Variants in PARD3B observed in about 807,000 individuals in gnomAD.
The protein encoded by PARD3B is partitioning defective 3 homolog B.
A neutral mutation model predicts 130.2 loss-of-function variants in PARD3B; 103 were observed. The ratio of observed to expected loss-of-function variants is 0.79; its 90% CI spans 0.67 to 0.93. PARD3B has a LOEUF of 0.93. Among genes scored for constraint, PARD3B ranks in the 40% least tolerant of loss-of-function variants. PARD3B has a pLI of 0.00. For missense variants in PARD3B, 1,609 were observed against 1,499.2 expected (o/e 1.07, Z -1.21); for synonymous variants, 583 against 553.2 (o/e 1.05, Z -0.76).
Position 205,440,286 on chromosome 2 carries a change from G to C in PARD3B, c.2742-84G>C. On this transcript the variant is annotated intron_variant, in intron 19 of 22. Coordinates refer to ENST00000406610, the MANE Select transcript of PARD3B (RefSeq NM_001302769.2). The surrounding 1 kb of genome is among the most constrained non-coding windows in gnomAD (Gnocchi z 4.2). Reference sequence around the variant, plus strand: ...AATGACAGCTAAGAGACGAGGAAGAGTTAACATAAATTCAAGAGAGTATTT... The same window carrying C: ...AATGACAGCTAAGAGACGAGGAAGACTTAACATAAATTCAAGAGAGTATTT... 1 of 1,361,758 alleles carries C rather than the reference G, an allele frequency of 7.3e-7. No homozygotes were observed. Among genetic ancestry groups the C allele is most frequent in the Non-Finnish European group, 1.0e-6 (1 of 981,710 alleles). The allele number at this position is 1,361,758 out of a possible 1,614,324, so 84.4% of individuals were successfully genotyped here.
intron 16 of PARD3B, among the ~76,000 whole-genome samples, chr2:205,277,477 G>A (rs369304691): frequency 6.6e-6 from 1 of 152,138 alleles, no homozygotes; most frequent in East Asian, 1.9e-4. Flanking sequence ...ATAATACATT[G>A]TGGTAATAGA....
chr2:205,380,052 AAT>A (rs2045254535), intron 18 of PARD3B, among the ~76,000 whole-genome samples: 1 of 142,804 alleles, frequency 7.0e-6, no homozygotes, highest in Admixed American at 7.6e-5. Flanking sequence ...TGGGCGACAG[AAT>A]GAGACTCTGC....
At chr2:205,491,958 A>T (rs1421956862) in intron 20 of PARD3B, among the ~76,000 whole-genome samples, 2 of 152,110 alleles carry the variant, frequency 1.3e-5, no homozygotes, top group African/African-American at 4.8e-5. Context: ...CTGATGTATT[A>T]TTGTGATTTT....
intron 2 of PARD3B, among the ~76,000 whole-genome samples, chr2:204,886,654 G>A (rs556985096): frequency 3.3e-5 from 5 of 152,288 alleles, no homozygotes; most frequent in African/African-American, 1.2e-4. Context: ...AAATATTTGA[G>A]ATCGATGTCT....
chr2:205,082,750 A>G (rs1168647459), intron 4 of PARD3B, among the ~76,000 whole-genome samples: 3 of 152,154 alleles, frequency 2.0e-5, no homozygotes, highest in Admixed American at 2.0e-4. Context: ...TTTCAAGTGG[A>G]AGCTTAGATA....
chr2:204,851,579 T>C (rs2044708516), intron 2 of PARD3B, among the ~76,000 whole-genome samples: 2 of 152,196 alleles, frequency 1.3e-5, no homozygotes. Context: ...CCAACTGTAT[T>C]TGAGTTTTCC....
chr2:204,888,539 C>A (rs1399339932), intron 2 of PARD3B, among the ~76,000 whole-genome samples: 1 of 152,062 alleles, frequency 6.6e-6, no homozygotes, highest in Non-Finnish European at 1.5e-5. Context: ...TGAGACCAGT[C>A]TTGGCAACAT....
At chr2:204,949,571 C>T (rs1429221620) in intron 2 of PARD3B, among the ~76,000 whole-genome samples, 1 of 152,192 alleles carries the variant, frequency 6.6e-6, no homozygotes, top group East Asian at 1.9e-4. Context: ...GCCCTCCCAC[C>T]TCAGCCTCCT....
At chr2:205,486,604 G>A (rs1410038820) in intron 20 of PARD3B, among the ~76,000 whole-genome samples, 3 of 152,170 alleles carry the variant, frequency 2.0e-5, no homozygotes, top group East Asian at 1.9e-4. Flanking sequence ...AAGGCAAAGG[G>A]GAAGCAGGCA....
intron 18 of PARD3B, among the ~76,000 whole-genome samples, chr2:205,319,326 A>G (rs1252722849): frequency 2.0e-5 from 3 of 152,172 alleles, no homozygotes; most frequent in African/African-American, 4.8e-5. Flanking sequence ...TCTGAAGTCC[A>G]TGTTCTTAGA....
At chr2:205,416,351 G>C (rs1234356093) in intron 19 of PARD3B, among the ~76,000 whole-genome samples, 1 of 152,098 alleles carries the variant, frequency 6.6e-6, no homozygotes, top group Non-Finnish European at 1.5e-5. Context: ...TAATGAATTG[G>C]AAAAGTATTA....
At position 205,273,047 on chromosome 2, in the gene PARD3B, C is replaced by A. The variant is rs2040793473; in HGVS notation, c.2185+27225C>A. ...TTTCCCCTAAATTTAACTTAAAATA[C>A]CTGAAGTAATTGGAAATAAAGTAGT... On this transcript the variant is annotated intron_variant, in intron 16 of 22. Transcript: ENST00000406610. Among the ~76,000 whole-genome samples, 5 of 152,178 alleles carry A rather than the reference C, an allele frequency of 3.3e-5. No individual in the cohort carries two copies. The South Asian group carries it at 8.3e-4, about 25-fold the overall frequency.
intron 3 of PARD3B, among the ~76,000 whole-genome samples, chr2:204,998,673 T>C (rs1694559454): frequency 6.6e-6 from 1 of 151,774 alleles, no homozygotes; most frequent in Non-Finnish European, 1.5e-5. Context: ...CCATATCCAC[T>C]GAGGTGGTTA....
At position 205,589,750 on chromosome 2, in the gene PARD3B, G is replaced by A. The variant is rs973743978; in HGVS notation, c.3261-25706G>A. On this transcript the variant is annotated intron_variant, in intron 22 of 22. Coordinates refer to ENST00000406610, the MANE Select transcript of PARD3B (RefSeq NM_001302769.2). The surrounding 1 kb of genome is among the most constrained non-coding windows in gnomAD (Gnocchi z 4.1). ...GAAGTAGACTAACATAATTGCATATGTAGTTACTAAAGTTAGTTATAGGCA... is the reference window on the plus strand; with the variant it reads ...GAAGTAGACTAACATAATTGCATATATAGTTACTAAAGTTAGTTATAGGCA... Among the ~76,000 whole-genome samples the A allele has an allele frequency of 2.0e-5, 3 of 152,132 alleles. No individual in the cohort carries two copies. The highest frequency in any genetic ancestry group is 7.2e-5 in the African/African-American group (3 of 41,426).
At chr2:204,856,648 T>C (rs1213670793) in intron 2 of PARD3B, among the ~76,000 whole-genome samples, 1 of 152,178 alleles carries the variant, frequency 6.6e-6, no homozygotes, top group African/African-American at 2.4e-5. Context: ...TTCCCTTGTT[T>C]TCTTCTACTT....
rs1559154180 is a variant in PARD3B at position 204,799,592 on chromosome 2, C to T, written c.222+113310C>T. ...AGTGCTATGCTGGCTTCAGGTGTGA[C>T]ACAATGCAGACTCAGTGGTGGTGGC... On this transcript the variant is annotated intron_variant, in intron 2 of 22. Coordinates refer to ENST00000406610, the MANE Select transcript of PARD3B (RefSeq NM_001302769.2). This position sits in a 1 kb window ranked among gnomAD's most constrained non-coding sequence, Gnocchi z 4.1. Among the ~76,000 whole-genome samples, 1 of 152,188 alleles carries T rather than the reference C, an allele frequency of 6.6e-6. No individual in the cohort carries two copies. Among genetic ancestry groups the T allele is most frequent in the African/African-American group, 2.4e-5 (1 of 41,450 alleles).
chr2:204,566,974 G>A (rs1031937756), intron 1 of PARD3B, among the ~76,000 whole-genome samples: 1 of 151,876 alleles, frequency 6.6e-6, no homozygotes, highest in South Asian at 2.1e-4. Flanking sequence ...CGCCTCCCAG[G>A]TTCAAGTGAC....
chr2:205,317,595 C>T (rs1357982797), intron 18 of PARD3B, among the ~76,000 whole-genome samples: 2 of 152,110 alleles, frequency 1.3e-5, no homozygotes, highest in Non-Finnish European at 2.9e-5. Flanking sequence ...GTGGGCCAGT[C>T]GATCACCCTA....
chr2:204,785,239 CT>C (rs760746928), intron 2 of PARD3B, among the ~76,000 whole-genome samples: 3 of 152,040 alleles, frequency 2.0e-5, no homozygotes, highest in East Asian at 3.9e-4. Context: ...TGTAATGCTC[CT>C]TTCATCATTG....
Sources: gnomAD v4.1 joint callset for allele counts (sites outside exome capture counted in the v4.1 genomes callset) on GRCh38, gnomAD v4.1.1 for gene constraint, Gnocchi (gnomAD v3.1) non-coding constraint, MANE v1.5 for transcripts, NCBI Gene and HGNC (gene_info 2026-07-23, HGNC 2026-07-21) for gene names.